The following SOCS6 variants were observed in gnomAD, a reference collection of about 807,000 sequenced individuals.
The protein encoded by SOCS6 is suppressor of cytokine signaling 6, also known as STAT induced STAT inhibitor-4.
Under a neutral mutation model 27.7 loss-of-function variants are expected in SOCS6, and 5 were observed. That is an observed-to-expected ratio of 0.18 (90% confidence interval 0.09 to 0.38). The LOEUF (loss-of-function observed/expected upper bound fraction) is 0.38. SOCS6 is among the 10% of genes least tolerant of loss of function. The pLI is 1.00. For synonymous variants in SOCS6, 271 were observed against 260.0 expected, an observed-to-expected ratio of 1.04 and a Z score of -0.41; for missense variants, 595 against 688.1, an observed-to-expected ratio of 0.86 and a Z score of 1.51.
chr18:70,326,051 A>G lies in SOCS6; in HGVS notation c.1383A>G (p.Ser461=). 3 of 1,614,244 alleles carry G rather than the reference A, an allele frequency of 1.9e-6. No homozygotes were observed. Among genetic ancestry groups the G allele is most frequent in the African/African-American group, 1.3e-5 (1 of 75,066 alleles). Residue 461 remains serine (S), a synonymous_variant, in exon 2 of 2, where the codon TCA becomes TCG. Coordinates refer to ENST00000397942, the MANE Select transcript of SOCS6 (RefSeq NM_004232.4). ...CCATAGTTGATCTAATTGAGCATTCAATCAGGGACTCTGAAAATGGAGCTT... is the reference window on the plus strand; with the variant it reads ...CCATAGTTGATCTAATTGAGCATTCGATCAGGGACTCTGAAAATGGAGCTT... ...HTSIVDLIEH[S]IRDSENGAFC...
At chr18:70,304,312 G>A (rs1023973722) in intron 1 of SOCS6, among the ~76,000 whole-genome samples, 9 of 152,090 alleles carry the variant, frequency 5.9e-5, no homozygotes, top group Non-Finnish European at 1.2e-4. Flanking sequence ...TTTACCTGCC[G>A]TGTGATAAAT....
chr18:70,313,580 C>A (rs995673754), intron 1 of SOCS6, among the ~76,000 whole-genome samples: 13 of 152,088 alleles, frequency 8.5e-5, no homozygotes, highest in African/African-American at 2.9e-4. Context: ...CCCTGCTGGA[C>A]CCACTAGTCC....
At chr18:70,310,896 G>T (rs2062388244) in intron 1 of SOCS6, among the ~76,000 whole-genome samples, 1 of 152,114 alleles carries the variant, frequency 6.6e-6, no homozygotes, top group Non-Finnish European at 1.5e-5. Flanking sequence ...TTGTGACTTT[G>T]GGCAAATTAT....
At chr18:70,323,916 C>G (rs923034962) in intron 1 of SOCS6, among the ~76,000 whole-genome samples, 12 of 152,196 alleles carry the variant, frequency 7.9e-5, no homozygotes, top group South Asian at 2.1e-4. Context: ...TAGAGTCCAG[C>G]TGGGAAGGAT....
intron 1 of SOCS6, among the ~76,000 whole-genome samples, chr18:70,312,411 T>C (rs1285806874): frequency 6.6e-6 from 1 of 152,230 alleles, no homozygotes. Flanking sequence ...AACAAATCAT[T>C]AGTAGCATAA....
chr18:70,314,584 A>G (rs192630451), intron 1 of SOCS6, among the ~76,000 whole-genome samples: 36 of 152,338 alleles, frequency 2.4e-4, no homozygotes, highest in African/African-American at 7.7e-4. Context: ...TAGGTAAGCT[A>G]TACAATCACA....
chr18:70,319,092 G>A (rs1910882063), intron 1 of SOCS6, among the ~76,000 whole-genome samples: 2 of 147,164 alleles, frequency 1.4e-5, no homozygotes, highest in Non-Finnish European at 3.1e-5. Flanking sequence ...TATTTGTATT[G>A]TAATTCTTTT....
At chr18:70,291,791 CT>C (rs2062300618) in intron 1 of SOCS6, among the ~76,000 whole-genome samples, 6 of 152,120 alleles carry the variant, frequency 3.9e-5, no homozygotes, top group Admixed American at 3.9e-4. Flanking sequence ...TGCCGAAGTA[CT>C]TTTGTAAAAT....
chr18:70,324,098 C>T (rs1239619995), intron 1 of SOCS6, among the ~76,000 whole-genome samples: 1 of 151,910 alleles, frequency 6.6e-6, no homozygotes, highest in Non-Finnish European at 1.5e-5. Context: ...GTCAAGAGAT[C>T]GAGACCATCC....
At chr18:70,289,389 C>A (rs1192021469) in intron 1 of SOCS6, among the ~76,000 whole-genome samples, 1 of 147,186 alleles carries the variant, frequency 6.8e-6, no homozygotes, top group Non-Finnish European at 1.5e-5. Context: ...GGCGCGGCGG[C>A]CCCTGAAGGG....
intron 1 of SOCS6, among the ~76,000 whole-genome samples, chr18:70,317,868 A>AG (rs2062419551): frequency 6.6e-6 from 1 of 152,150 alleles, no homozygotes; most frequent in Admixed American, 6.5e-5. Flanking sequence ...TGTTTGAGAC[A>AG]GGGCCCTACA....
At chr18:70,317,419 GGT>G (rs139320786) in intron 1 of SOCS6, among the ~76,000 whole-genome samples, 6,781 of 147,830 alleles carry the variant, frequency 0.046, 502 homozygotes, top group African/African-American at 0.16. Flanking sequence ...AGTATTCCAT[GGT>G]GTGTGTGTGT....
chr18:70,306,438 G>A (rs111749844), intron 1 of SOCS6, among the ~76,000 whole-genome samples: 12,264 of 131,980 alleles, frequency 0.093, 580 homozygotes, highest in Middle Eastern at 0.26. Context: ...AGCTGAGATC[G>A]TGCCATTGCA....
intron 1 of SOCS6, among the ~76,000 whole-genome samples, chr18:70,305,490 T>G (rs2062365440): frequency 6.6e-6 from 1 of 152,262 alleles, no homozygotes; most frequent in African/African-American, 2.4e-5. Context: ...TCTTGATTCC[T>G]ATAGTTTTAT....
intron 1 of SOCS6, among the ~76,000 whole-genome samples, chr18:70,310,627 G>T (rs921666014): frequency 3.3e-5 from 5 of 151,872 alleles, no homozygotes; most frequent in African/African-American, 9.7e-5. Context: ...ATTCCATCAT[G>T]CCAGAAGTGA....
chr18:70,317,581 A>ACACC lies in SOCS6; in HGVS notation c.-126-6961_-126-6960insACCC, dbSNP rs2062418313. On this transcript the variant is annotated intron_variant, in intron 1 of 1. Transcript: ENST00000397942. ...CACACACACACACACACACACACAC[A>ACACC]CCACATTTTCTTTATCCACTCATTG... 2.7e-5 allele frequency among the ~76,000 whole-genome samples: 4 copies of ACACC among 149,812 alleles called. No homozygotes were observed. The South Asian group carries it at 6.3e-4, about 24-fold the overall frequency.
At chr18:70,293,852 C>T (rs762308081) in intron 1 of SOCS6, among the ~76,000 whole-genome samples, 3 of 152,090 alleles carry the variant, frequency 2.0e-5, no homozygotes, top group Non-Finnish European at 4.4e-5. Context: ...CACCACTTTG[C>T]GGGGCTGAGG....
At chr18:70,290,477 C>T (rs1038085751) in intron 1 of SOCS6, among the ~76,000 whole-genome samples, 1 of 152,208 alleles carries the variant, frequency 6.6e-6, no homozygotes, top group East Asian at 1.9e-4. Flanking sequence ...GAAAAAAAGT[C>T]TGTAATACTT....
chr18:70,327,967 A>G lies in SOCS6; in HGVS notation c.*1691A>G, dbSNP rs929657890. ...CCAAGAAAAGGCACAATGCCATAAT[A>G]TTATGGTGTTATGGTATTTTGACTT... is the stretch of plus-strand genomic sequence containing the variant. On this transcript the variant is annotated 3_prime_UTR_variant, in exon 2 of 2. Coordinates refer to ENST00000397942, the MANE Select transcript of SOCS6 (RefSeq NM_004232.4). The G allele has an allele frequency of 6.0e-6, 1 of 167,012 alleles. No individual in the cohort carries two copies. Among genetic ancestry groups the G allele is most frequent in the African/African-American group, 2.4e-5 (1 of 41,452 alleles). 10.3% of individuals were successfully genotyped at this position (167,012 alleles called of 1,614,324 possible).
Sources: gnomAD v4.1 joint callset for allele counts (sites outside exome capture counted in the v4.1 genomes callset) on GRCh38, gnomAD v4.1.1 for gene constraint, MANE v1.5 for transcripts, NCBI Gene and HGNC (gene_info 2026-07-23, HGNC 2026-07-21) for gene names.